Variants in KPNA3 observed in about 807,000 individuals in gnomAD.
The protein encoded by KPNA3 is importin subunit alpha-4.
Under a neutral mutation model 73.8 loss-of-function variants are expected in KPNA3, and 13 were observed. That is an observed-to-expected ratio of 0.18 (90% confidence interval 0.11 to 0.28). KPNA3 has a LOEUF of 0.28. Among genes scored for constraint, KPNA3 ranks in the 10% least tolerant of loss-of-function variants. KPNA3 has a pLI of 1.00. For missense variants in KPNA3, 360 were observed against 618.1 expected (o/e 0.58, Z 4.43); for synonymous variants, 186 against 206.9 (o/e 0.90, Z 0.87).
chr13:49,729,807 A>T (rs891617353), intron 6 of KPNA3, among the ~76,000 whole-genome samples: 3 of 152,200 alleles, frequency 2.0e-5, no homozygotes, highest in African/African-American at 7.2e-5. Context: ...AAAATAAAAA[A>T]TAAATGGACA....
intron 1 of KPNA3, among the ~76,000 whole-genome samples, chr13:49,753,760 T>C (rs1027973343): frequency 6.6e-6 from 1 of 152,156 alleles, no homozygotes; most frequent in African/African-American, 2.4e-5. Context: ...GTGAGGGATC[T>C]AGGTTGTGTG....
chr13:49,707,966 C>T (rs1281080998), intron 12 of KPNA3, among the ~76,000 whole-genome samples: 1 of 150,340 alleles, frequency 6.7e-6, no homozygotes, highest in African/African-American at 2.4e-5. Context: ...CTTTAGTAAA[C>T]TAAATGTAAA....
rs1356389557 is a variant in KPNA3, at chr13:49,791,635, T to C, written c.69+803A>G. On this transcript the variant is annotated intron_variant, in intron 1 of 16. Transcript: ENST00000261667. The stretch of plus-strand genomic sequence containing the variant: ...TTTTAGTAAAACGTGTCAAAGAAAT[T>C]ATCACCCTATGCACACCCCACTCCA... Among the ~76,000 whole-genome samples the C allele has an allele frequency of 3.3e-5, 5 of 152,258 alleles. No homozygotes were observed. The East Asian group carries it at 9.7e-4, about 29-fold the overall frequency.
chr13:49,731,244 T>A (rs553693952), intron 6 of KPNA3, among the ~76,000 whole-genome samples: 43 of 146,672 alleles, frequency 2.9e-4, no homozygotes, highest in African/African-American at 1.1e-3. Context: ...CTGGCTAATT[T>A]TCGTGTTTTT....
intron 2 of KPNA3, among the ~76,000 whole-genome samples, chr13:49,735,272 G>A (rs1455788739): frequency 2.6e-5 from 4 of 152,056 alleles, no homozygotes; most frequent in East Asian, 1.9e-4. Flanking sequence ...ACAGGCATGC[G>A]CCTCCATACC....
At chr13:49,768,735 C>T (rs7335016) in intron 1 of KPNA3, among the ~76,000 whole-genome samples, 18,122 of 152,048 alleles carry the variant, frequency 0.12, 2,174 homozygotes, top group East Asian at 0.58. Flanking sequence ...ATGTCAAGAA[C>T]CCAACTTGTG....
intron 1 of KPNA3, among the ~76,000 whole-genome samples, chr13:49,778,221 T>C (rs907516159): frequency 6.6e-6 from 1 of 152,254 alleles, no homozygotes; most frequent in African/African-American, 2.4e-5. Context: ...GGTTTCTCTG[T>C]ACATAGTGAA....
intron 1 of KPNA3, among the ~76,000 whole-genome samples, chr13:49,778,919 TAA>T (rs1425433321): frequency 2.0e-5 from 3 of 152,232 alleles, no homozygotes; most frequent in Non-Finnish European, 4.4e-5. Context: ...GAATTTTTGT[TAA>T]GTGTGTTATG....
At chr13:49,751,076 A>C (rs935778743) in intron 1 of KPNA3, among the ~76,000 whole-genome samples, 2 of 152,220 alleles carry the variant, frequency 1.3e-5, no homozygotes, top group Non-Finnish European at 1.5e-5. Context: ...GGACAGAAAA[A>C]AGCTCCCAAA....
intron 1 of KPNA3, among the ~76,000 whole-genome samples, chr13:49,789,249 T>C (rs1187459971): frequency 1.3e-5 from 2 of 152,192 alleles, no homozygotes; most frequent in Non-Finnish European, 2.9e-5. Flanking sequence ...CTCTCTTTAA[T>C]ATAATCACTC....
At chr13:49,750,532 C>A (rs1448060446) in intron 1 of KPNA3, among the ~76,000 whole-genome samples, 2 of 151,704 alleles carry the variant, frequency 1.3e-5, no homozygotes, top group Non-Finnish European at 2.9e-5. Context: ...CTTGGGGGAG[C>A]TGAGATGGAG....
chr13:49,732,570 G>A, intron 5 of KPNA3, 35 bp downstream of exon 5: 1 of 1,536,794 alleles, frequency 6.5e-7, no homozygotes, highest in Non-Finnish European at 9.0e-7. Context: ...ACTGAGGAAT[G>A]ACATAATTCT....
intron 1 of KPNA3, among the ~76,000 whole-genome samples, chr13:49,765,925 G>A (rs953338418): frequency 1.3e-5 from 2 of 152,052 alleles, no homozygotes; most frequent in African/African-American, 2.4e-5. Context: ...TTTTAAGCCC[G>A]GATCTCTCTC....
intron 10 of KPNA3, among the ~76,000 whole-genome samples, chr13:49,717,399 C>T (rs1489858263): frequency 7.0e-6 from 1 of 142,668 alleles, no homozygotes; most frequent in Non-Finnish European, 1.5e-5. Flanking sequence ...CACTGCACTC[C>T]AGCCTGGGTG....
At chr13:49,757,133 T>C (rs944828952) in intron 1 of KPNA3, among the ~76,000 whole-genome samples, 15 of 152,136 alleles carry the variant, frequency 9.9e-5, no homozygotes, top group Non-Finnish European at 1.8e-4. Flanking sequence ...GGCAAAGAGT[T>C]CTTAAACTTG....
chr13:49,789,081 G>T (rs1955010101), intron 1 of KPNA3, among the ~76,000 whole-genome samples: 1 of 152,146 alleles, frequency 6.6e-6, no homozygotes. Flanking sequence ...TGAATTCTAG[G>T]TATTACTGCC....
chr13:49,760,386 G>A (rs1358374660), intron 1 of KPNA3, among the ~76,000 whole-genome samples: 2 of 145,126 alleles, frequency 1.4e-5, no homozygotes, highest in African/African-American at 5.1e-5. Flanking sequence ...CTGCACTCCA[G>A]CCTGGGTGAC....
chr13:49,725,587 C>T (rs1954401917), intron 6 of KPNA3, 86 bp from the exon 7 acceptor site: 1 of 782,650 alleles, frequency 1.3e-6, no homozygotes, highest in South Asian at 1.9e-5. Context: ...TATGGCTATT[C>T]TTTGCCTTGT....
intron 1 of KPNA3, among the ~76,000 whole-genome samples, chr13:49,764,637 T>C (rs1954794824): frequency 6.6e-6 from 1 of 152,150 alleles, no homozygotes; most frequent in Non-Finnish European, 1.5e-5. Context: ...AGCTGTGCAC[T>C]GAATCTAATT....
Sources: gnomAD v4.1 joint callset for allele counts (sites outside exome capture counted in the v4.1 genomes callset) on GRCh38, gnomAD v4.1.1 for gene constraint, MANE v1.5 for transcripts, NCBI Gene and HGNC (gene_info 2026-07-23, HGNC 2026-07-21) for gene names.